The following SMCO1 variants were observed in gnomAD, a reference collection of about 807,000 sequenced individuals.
The protein encoded by SMCO1 is single-pass membrane and coiled-coil domain-containing protein 1.
In SMCO1, 9 loss-of-function variants were observed where a neutral mutation model predicts 7.5. That is an observed-to-expected ratio of 1.20 (90% CI 0.72 to 2.09). The LOEUF is 2.09. Among genes scored for constraint, SMCO1 ranks in the 30% most tolerant of loss-of-function variants. The pLI is 0.00. For missense variants in SMCO1, 219 were observed against 253.1 expected (o/e 0.87, Z 0.91); for synonymous variants, 90 against 93.8 (o/e 0.96, Z 0.23).
rs753763653 is a variant in SMCO1, at chr3:196,507,902, TG to T, written c.629del (p.Pro210HisfsTer37). The T allele has an allele frequency of 6.2e-7, 1 of 1,609,810 alleles. No individual in the cohort carries two copies. Among genetic ancestry groups the T allele is most frequent in the Admixed American group, 1.7e-5 (1 of 59,440 alleles). ...KQKSSLEELIPSVKN is the reference protein window; with the variant it reads ...KQKSSLEELIXSVKN ...GGGTAACAGGTTAGTTTTTGACAGA[TG>T]GTATCAACTCTTCGAGGGATGACTT... is the stretch of plus-strand genomic sequence containing the variant. On this transcript the variant is annotated frameshift_variant, in exon 3 of 3. Coordinates refer to ENST00000397537, the MANE Select transcript of SMCO1 (RefSeq NM_001077657.3). LOFTEE classifies it high-confidence loss of function.
At chr3:196,517,821 C>T (rs1733423322), upstream of SMCO1, among the ~76,000 whole-genome samples, 1 of 151,974 alleles carries the variant, frequency 6.6e-6, no homozygotes. Context: ...AGGTGTGTGC[C>T]ACCACTATTA....
At chr3:196,514,301 G>A (rs1733325449) in intron 1 of SMCO1, among the ~76,000 whole-genome samples, 1 of 152,130 alleles carries the variant, frequency 6.6e-6, no homozygotes, top group East Asian at 1.9e-4. Context: ...ACATCTAGTT[G>A]CTGCTTGAAT....
upstream of SMCO1, among the ~76,000 whole-genome samples, chr3:196,516,685 G>C (rs1015514953): frequency 1.2e-4 from 18 of 152,114 alleles, no homozygotes; most frequent in Admixed American, 1.2e-3. Context: ...TAAGTAAGGC[G>C]AAATCCTTGT....
chr3:196,507,692 T>TA lies in SMCO1; in HGVS notation c.*194dup, dbSNP rs1311849837. Reference sequence around the variant, plus strand: ...AACAATACATTTGGTGATCACTTCATATCATTACACAAAGAGCTTCTTCAT... The same window carrying TA: ...AACAATACATTTGGTGATCACTTCATAATCATTACACAAAGAGCTTCTTCAT... On this transcript the variant is annotated 3_prime_UTR_variant, in exon 3 of 3. Coordinates refer to ENST00000397537, the MANE Select transcript of SMCO1 (RefSeq NM_001077657.3). The TA allele has an allele frequency of 1.2e-5, 6 of 520,406 alleles. No individual in the cohort carries two copies. The highest frequency in any genetic ancestry group is 2.1e-5 in the Non-Finnish European group (6 of 292,124). The allele number at this position is 520,406 out of a possible 1,614,324, so 32.2% of individuals were successfully genotyped here.
upstream of SMCO1, among the ~76,000 whole-genome samples, chr3:196,519,484 A>G (rs1308513405): frequency 6.6e-6 from 1 of 152,248 alleles, no homozygotes; most frequent in Non-Finnish European, 1.5e-5. Context: ...TGTCCTCTGC[A>G]GCCAAATTTT....
At chr3:196,511,936 C>G (rs1186969907) in intron 1 of SMCO1, among the ~76,000 whole-genome samples, 2 of 59,282 alleles carry the variant, frequency 3.4e-5, no homozygotes, top group South Asian at 5.2e-4. Flanking sequence ...CCTGGGCCAC[C>G]TAGATTGTCC....
chr3:196,515,640 G>A (rs1560285860), upstream of SMCO1, among the ~76,000 whole-genome samples: 2 of 152,034 alleles, frequency 1.3e-5, no homozygotes, highest in Non-Finnish European at 2.9e-5. Context: ...TAGGTTTGAA[G>A]AGTGCCCCAG....
intron 1 of SMCO1, 73 bp downstream of exon 1, chr3:196,515,087 C>G: frequency 1.9e-6 from 3 of 1,542,320 alleles, no homozygotes; most frequent in Non-Finnish European, 2.7e-6. Flanking sequence ...TATTTCTATT[C>G]TTCATTCTTC....
In SMCO1 at chr3:196,508,034, C is replaced by T. The variant is rs1357003929; in HGVS notation, c.498G>A (p.Thr166=). The change falls in exon 3 of 3, where the codon ACG becomes ACA. Residue 166 remains threonine, a synonymous_variant. Coordinates refer to ENST00000397537, the MANE Select transcript of SMCO1 (RefSeq NM_001077657.3). ...KVRQMYIRDV[T]FLITNMVKNQ... ...TCTTTACCATGTTAGTAATTAGGAA[C>T]GTGACATCCCTGATGTACATCTGCC... is the stretch of plus-strand genomic sequence containing the variant. The T allele has an allele frequency of 1.7e-5, 27 of 1,613,994 alleles. No homozygotes were observed. The highest frequency in any genetic ancestry group is 4.5e-5 in the East Asian group (2 of 44,900).
At chr3:196,511,243 C>T (rs908094941) in intron 1 of SMCO1, among the ~76,000 whole-genome samples, 4 of 111,268 alleles carry the variant, frequency 3.6e-5, no homozygotes, top group African/African-American at 7.6e-5. Context: ...CTAGATTGTC[C>T]TTATGAGGGA....
intron 1 of SMCO1, among the ~76,000 whole-genome samples, chr3:196,510,879 C>T (rs1199885256): frequency 1.3e-5 from 2 of 152,196 alleles, no homozygotes; most frequent in Admixed American, 6.5e-5. Context: ...ATAAAAGTTT[C>T]CCTGTATGAT....
Position 196,508,236 on chromosome 3 carries a change from A to G in SMCO1, c.296T>C (p.Val99Ala), listed in dbSNP as rs118152136. ...TRVLEKLPDL[V>A]RGLPTLASVL... ...AGAGGCTAAGGTTGGAAGACCTCTC[A>G]CCAGGTCTGGCAGCTTCTCAAGCAC... Residue 99 changes from valine to alanine, a missense_variant, in exon 3 of 3, where the codon GTG becomes GCG. By Grantham distance (64) the Val-to-Ala change is moderately conservative (BLOSUM62 0). Coordinates refer to ENST00000397537, the MANE Select transcript of SMCO1 (RefSeq NM_001077657.3). 9,326 of 1,614,100 alleles carry G rather than the reference A, an allele frequency of 5.8e-3. 454 individuals carry two copies. In the South Asian group the frequency reaches 0.091, roughly 16 times the overall value.
chr3:196,513,627 C>A (rs1171130737), intron 1 of SMCO1, among the ~76,000 whole-genome samples: 695 of 93,700 alleles, frequency 7.4e-3, no homozygotes, highest in Non-Finnish European at 8.3e-3. Flanking sequence ...GACTCTGTCT[C>A]AAAAAAAAAA....
At chr3:196,519,714 A>G (rs960544080), upstream of SMCO1, among the ~76,000 whole-genome samples, 5 of 152,212 alleles carry the variant, frequency 3.3e-5, no homozygotes, top group Non-Finnish European at 7.3e-5. Flanking sequence ...TGCCTTTTAC[A>G]TAGTTTTTCC....
At chr3:196,517,147 G>GTGATA (rs1289514629), upstream of SMCO1, among the ~76,000 whole-genome samples, 1 of 140,536 alleles carries the variant, frequency 7.1e-6, no homozygotes, top group African/African-American at 2.7e-5. Context: ...TAATCTAGCA[G>GTGATA]TGATATTGTA....
chr3:196,509,779 A>C, intron 1 of SMCO1, 110 bp from the exon 2 acceptor site: 1 of 940,296 alleles, frequency 1.1e-6, no homozygotes, highest in Non-Finnish European at 1.5e-6. Context: ...AATTTGGATA[A>C]CTTTTTTTTT....
upstream of SMCO1, among the ~76,000 whole-genome samples, chr3:196,518,807 C>T (rs144625297): frequency 3.1e-4 from 47 of 152,296 alleles, 1 homozygote; most frequent in African/African-American, 1.0e-3. Flanking sequence ...GTTAAAGACA[C>T]GGTTAGTGTG....
rs184578905 is a variant in SMCO1 at position 196,508,947 on chromosome 3, A to G, written c.200+573T>C. ...GTGAGACTCCATCTCAAAAAAAAAAAAAAAAAGAAAAAAAAATTAATGCAA... is the reference window on the plus strand; with the variant it reads ...GTGAGACTCCATCTCAAAAAAAAAAGAAAAAAGAAAAAAAAATTAATGCAA... On this transcript the variant is annotated intron_variant, in intron 2 of 2. Transcript: ENST00000397537. 5.2e-3 allele frequency among the ~76,000 whole-genome samples: 777 copies of G among 149,194 alleles called. 16 individuals are homozygous for G. Among genetic ancestry groups the G allele is most frequent in the African/African-American group, 0.018 (728 of 39,658 alleles).
chr3:196,512,515 T>TTC (rs1733273694), intron 1 of SMCO1, among the ~76,000 whole-genome samples: 1 of 144,628 alleles, frequency 6.9e-6, no homozygotes, highest in African/African-American at 2.6e-5. Flanking sequence ...CTTTCTTTTT[T>TTC]TTTTTTTTTT....
Sources: allele counts gnomAD v4.1 joint callset (sites outside exome capture counted in the v4.1 genomes callset), GRCh38; gene constraint gnomAD v4.1.1; transcripts MANE v1.5; gene names NCBI Gene and HGNC (gene_info 2026-07-23, HGNC 2026-07-21).